GRIK4: variants seen among roughly 807,000 people sequenced by gnomAD.
The protein encoded by GRIK4 is glutamate receptor ionotropic, kainate 4.
In GRIK4, 40 loss-of-function variants were observed where a neutral mutation model predicts 104.9. The observed-to-expected ratio is 0.38, with a 90% confidence interval of 0.30 to 0.50. The LOEUF is 0.50. Ranked by LOEUF, GRIK4 falls within the 20% of genes least tolerant of loss-of-function variation. GRIK4 has a pLI of 0.93. For missense variants in GRIK4, 1,047 were observed against 1,308.1 expected (o/e 0.80, Z 3.08); for synonymous variants, 485 against 524.9 (o/e 0.92, Z 1.04).
intron 13 of GRIK4, among the ~76,000 whole-genome samples, chr11:120,912,972 G>A (rs1300342256): frequency 6.6e-6 from 1 of 152,188 alleles, no homozygotes; most frequent in Non-Finnish European, 1.5e-5. Flanking sequence ...AGCACAGTCA[G>A]GCAAGTATCT....
chr11:120,757,056 G>C (rs951431102), intron 3 of GRIK4, among the ~76,000 whole-genome samples: 3 of 152,210 alleles, frequency 2.0e-5, no homozygotes, highest in Non-Finnish European at 4.4e-5. Context: ...TTTTCTCACT[G>C]ACACAGCAGC....
chr11:120,924,086 T>A (rs1464336907), intron 13 of GRIK4, among the ~76,000 whole-genome samples: 2 of 152,182 alleles, frequency 1.3e-5, no homozygotes, highest in Non-Finnish European at 2.9e-5. Flanking sequence ...CAGAGTTGGC[T>A]CCTCTGGGAA....
intron 1 of GRIK4, among the ~76,000 whole-genome samples, chr11:120,613,753 G>A (rs2135151875): frequency 6.6e-6 from 1 of 152,308 alleles, no homozygotes; most frequent in South Asian, 2.1e-4. Flanking sequence ...CTCTGCAGGA[G>A]CGTCTGTGTG....
Position 120,831,914 on chromosome 11 carries a change from C to G in GRIK4, c.574C>G (p.Arg192Gly). ...FLISKDTLSVRMLDDTRDPTP... is the reference protein window; with the variant it reads ...FLISKDTLSVGMLDDTRDPTP... ...TATCTCCAAGGACACGCTGTCCGTC[C>G]GCATGCTGGATGACACCCGGGACCC... The change falls in exon 7 of 21, where the codon CGC becomes GGC. Residue 192 changes from arginine to glycine, a missense_variant. Physicochemically the swap from Arg to Gly is moderately radical, Grantham distance 125. Coordinates refer to ENST00000527524, the MANE Select transcript of GRIK4 (RefSeq NM_014619.5). The G allele has an allele frequency of 6.2e-7, 1 of 1,613,882 alleles. No individual in the cohort carries two copies. The highest frequency in any genetic ancestry group is 8.5e-7 in the Non-Finnish European group (1 of 1,179,826).
rs577420061 is a variant in GRIK4, at chr11:120,752,367, G to GC, written c.83-50319dup. Among the ~76,000 whole-genome samples the GC allele has an allele frequency of 1.1e-4, 17 of 152,216 alleles. No homozygotes were observed. The East Asian group carries it at 1.9e-3, about 17-fold the overall frequency. On this transcript the variant is annotated intron_variant, in intron 3 of 20. Transcript: ENST00000527524. ...TTGCTAGGGAAGCCACGTCAGCAGA[G>GC]CCCCCCCATGATCTGATACTGACAT...
rs139618646 is a variant in GRIK4, at chr11:120,661,801, C to T, written c.82+1401C>T. On this transcript the variant is annotated intron_variant, in intron 3 of 20. Coordinates refer to ENST00000527524, the MANE Select transcript of GRIK4 (RefSeq NM_014619.5). ...ACAGGTGACCCAGTTCTCCCCCTCA[C>T]CCTGCCCTCGACACACTGCTCTGCA... 7.4e-3 allele frequency among the ~76,000 whole-genome samples: 1,122 copies of T among 152,216 alleles called. 6 individuals carry two copies. The highest frequency in any genetic ancestry group is 0.01 in the Non-Finnish European group (704 of 68,024).
intron 9 of GRIK4, among the ~76,000 whole-genome samples, chr11:120,864,154 T>C (rs903305167): frequency 2.0e-4 from 31 of 152,326 alleles, no homozygotes; most frequent in Middle Eastern, 3.4e-3. Flanking sequence ...GCAAGCCCTG[T>C]TCTCCCAGCT....
intron 8 of GRIK4, among the ~76,000 whole-genome samples, chr11:120,854,809 G>A (rs1307450153): frequency 6.6e-6 from 1 of 152,004 alleles, no homozygotes; most frequent in Non-Finnish European, 1.5e-5. Flanking sequence ...TTTAAAATGA[G>A]GAAACTTTTC....
At chr11:120,877,432 G>A (rs116378023) in intron 11 of GRIK4, among the ~76,000 whole-genome samples, 2 of 152,148 alleles carry the variant, frequency 1.3e-5, no homozygotes, top group African/African-American at 2.4e-5. Context: ...CACTCAGATC[G>A]TGCCCTCAGG....
chr11:120,635,576 C>T (rs942470197), intron 1 of GRIK4, among the ~76,000 whole-genome samples: 7 of 152,296 alleles, frequency 4.6e-5, no homozygotes, highest in South Asian at 2.1e-4. Context: ...ACTGTTGAAC[C>T]GCTATCAGTC....
At chr11:120,869,333 A>C (rs1470480853) in intron 9 of GRIK4, 2 of 152,266 alleles carry the variant, frequency 1.3e-5, no homozygotes, top group Non-Finnish European at 2.9e-5. Flanking sequence ...GGAACTGTGA[A>C]GCCCAGAGCC....
At chr11:120,556,796 C>A (rs756349735) in intron 1 of GRIK4, among the ~76,000 whole-genome samples, 4 of 152,128 alleles carry the variant, frequency 2.6e-5, no homozygotes, top group African/African-American at 7.2e-5. Context: ...ATCTCCTCTC[C>A]GTTCCTTCCT....
intron 1 of GRIK4, among the ~76,000 whole-genome samples, chr11:120,633,459 TGCACC>T: frequency 6.6e-6 from 1 of 152,222 alleles, no homozygotes; most frequent in Non-Finnish European, 1.5e-5. Context: ...TGTGCTCGCA[TGCACC>T]TGCTTTGAAA....
chr11:120,632,987 A>G (rs919905734), intron 1 of GRIK4, among the ~76,000 whole-genome samples: 2 of 152,018 alleles, frequency 1.3e-5, no homozygotes, highest in Non-Finnish European at 2.9e-5. Flanking sequence ...TCAGCCATTT[A>G]ACAGATGAGG....
chr11:120,575,986 G>A (rs374696719), intron 1 of GRIK4: 2 of 151,884 alleles, frequency 1.3e-5, no homozygotes, highest in Non-Finnish European at 2.9e-5. Context: ...CCATCCAGAC[G>A]GCATCCTGCT....
intron 4 of GRIK4, among the ~76,000 whole-genome samples, chr11:120,812,960 G>A (rs1039799050): frequency 6.6e-6 from 1 of 152,246 alleles, no homozygotes; most frequent in Admixed American, 6.5e-5. Context: ...AGAACTGGAG[G>A]AGAATCCAGA....
chr11:120,606,501 G>T (rs999601381), intron 1 of GRIK4, among the ~76,000 whole-genome samples: 8 of 152,198 alleles, frequency 5.3e-5, no homozygotes, highest in Non-Finnish European at 8.8e-5. Context: ...GAGCCCGAGG[G>T]GAGAAACTGT....
intron 3 of GRIK4, among the ~76,000 whole-genome samples, chr11:120,673,747 C>T (rs2135271529): frequency 6.6e-6 from 1 of 152,320 alleles, no homozygotes; most frequent in East Asian, 1.9e-4. Flanking sequence ...GAGACCGGAA[C>T]CTGGACCTAG....
Position 120,961,223 on chromosome 11 carries a change from C to T in GRIK4, c.2040+149C>T, listed in dbSNP as rs1454468767. On this transcript the variant is annotated intron_variant, in intron 17 of 20. Transcript: ENST00000527524. ...GGTCCACATGGGGCTCATTTATCTG[C>T]TGCTCCACAAAATACTCCTGGAATG... is the stretch of plus-strand genomic sequence containing the variant. 1.7e-5 allele frequency: 12 copies of T among 718,926 alleles called. No individual in the cohort carries two copies. The Admixed American group carries it at 2.9e-4, about 17-fold the overall frequency. The allele number at this position is 718,926 out of a possible 1,614,324, so 44.5% of individuals were successfully genotyped here.
Sources: allele counts gnomAD v4.1 joint callset (sites outside exome capture counted in the v4.1 genomes callset), GRCh38; gene constraint gnomAD v4.1.1; transcripts MANE v1.5; gene names NCBI Gene and HGNC (gene_info 2026-07-23, HGNC 2026-07-21).